The following MVK variants were observed in gnomAD, a reference collection of about 807,000 sequenced individuals.
MVK encodes the protein mevalonate kinase.
MVK carries 34 observed loss-of-function variants against 43.2 expected under a neutral mutation model. The observed-to-expected ratio is 0.79, with a 90% CI of 0.60 to 1.05. MVK has a LOEUF of 1.05. Among genes scored for constraint, MVK ranks in the 50% least tolerant of loss-of-function variants. The pLI is 0.00. For synonymous variants in MVK, 190 were observed against 219.8 expected (o/e 0.86, Z 1.20); for missense variants, 395 against 504.0 (o/e 0.78, Z 2.07).
rs559280705 is a variant in MVK at position 109,577,959 on chromosome 12, T to C, written c.226+1814T>C. Among the ~76,000 whole-genome samples the C allele has an allele frequency of 2.0e-5, 3 of 152,236 alleles. No individual in the cohort carries two copies. In the East Asian group the frequency reaches 5.8e-4, roughly 29 times the overall value. Reference sequence around the variant, plus strand: ...GCTGCAACTTGTGTATGTCAGTAGCTTGGGGTGGAAGCAGCCAGGTATGGG... The same window carrying C: ...GCTGCAACTTGTGTATGTCAGTAGCCTGGGGTGGAAGCAGCCAGGTATGGG... On this transcript the variant is annotated intron_variant, in intron 3 of 10. Coordinates refer to ENST00000228510, the MANE Select transcript of MVK (RefSeq NM_000431.4).
In MVK at chr12:109,595,501, T is replaced by C. The variant is rs1027642578; in HGVS notation, c.1039+320T>C. 6.6e-6 allele frequency among the ~76,000 whole-genome samples: 1 copy of C among 152,136 alleles called. No homozygotes were observed. Among genetic ancestry groups the C allele is most frequent in the African/African-American group, 2.4e-5 (1 of 41,430 alleles). ...GGAAGTAACCAGGGCATTGTCACTC[T>C]CCACGTCTGCCTAACCTTGCCCCAC... On this transcript the variant is annotated intron_variant, in intron 10 of 10. Transcript: ENST00000228510. The surrounding 1 kb of genome is among the most constrained non-coding windows in gnomAD (Gnocchi z 5.9).
chr12:109,583,687 A>G (rs1885320054), intron 5 of MVK, among the ~76,000 whole-genome samples: 1 of 152,214 alleles, frequency 6.6e-6, no homozygotes, highest in Non-Finnish European at 1.5e-5. Flanking sequence ...GACTTCCACA[A>G]TGGTTGAACT....
Position 109,581,541 on chromosome 12 carries a change from G to A in MVK, c.518G>A (p.Cys173Tyr), listed in dbSNP as rs1267793765. Residue 173 changes from cysteine to tyrosine, a missense_variant, in exon 5 of 11, where the codon TGC becomes TAC. By Grantham distance (194) the Cys-to-Tyr change is radical (BLOSUM62 -2). Transcript: ENST00000228510. ...CCAAACCCGCTGAAGGACGGGGATT[G>A]CGTCAACAGGTAACCATGGTCCTTA... is the stretch of plus-strand genomic sequence containing the variant. ...EIPNPLKDGDCVNRWTKEDLE... is the reference protein window; with the variant it reads ...EIPNPLKDGDYVNRWTKEDLE... 6.8e-6 allele frequency: 11 copies of A among 1,614,228 alleles called. 1 individual carries two copies. In the Middle Eastern group the frequency reaches 9.9e-4, roughly 145 times the overall value.
At chr12:109,577,329 G>C (rs1273843246) in intron 3 of MVK, among the ~76,000 whole-genome samples, 3 of 152,216 alleles carry the variant, frequency 2.0e-5, no homozygotes, top group Non-Finnish European at 2.9e-5. Context: ...CTTTGGAACA[G>C]TGTTTCTCAG....
At chr12:109,592,528 A>G (rs1459303849) in intron 9 of MVK, among the ~76,000 whole-genome samples, 1 of 152,230 alleles carries the variant, frequency 6.6e-6, no homozygotes, top group Non-Finnish European at 1.5e-5. Context: ...CCCCGTGGGC[A>G]TTCGAGTCTG....
rs1885209505 is a variant in MVK at position 109,581,409 on chromosome 12, T to C, written c.386T>C (p.Leu129Pro). Residue 129 changes from leucine to proline, a missense_variant, in exon 5 of 11, where the codon CTG (leucine) becomes CCG (proline). Transcript: ENST00000228510. ...GTGTGTTTCAGGGCCCTGCCGAGCC[T>C]GGATATCGTAGTGTGGTCGGAGCTG... Reference protein sequence around the residue: ...ICRKQRALPSLDIVVWSELPP... With the variant: ...ICRKQRALPSPDIVVWSELPP... The C allele has an allele frequency of 6.2e-7, 1 of 1,613,914 alleles. No individual in the cohort carries two copies. The highest frequency in any genetic ancestry group is 8.5e-7 in the Non-Finnish European group (1 of 1,180,016).
intron 5 of MVK, among the ~76,000 whole-genome samples, chr12:109,582,563 G>A (rs927990184): frequency 6.6e-6 from 1 of 151,830 alleles, no homozygotes; most frequent in East Asian, 1.9e-4. Context: ...TCCCCTGAAG[G>A]CCAGTCATTC....
intron 3 of MVK, among the ~76,000 whole-genome samples, chr12:109,576,522 A>G (rs1426597144): frequency 6.6e-6 from 1 of 152,184 alleles, no homozygotes; most frequent in African/African-American, 2.4e-5. Flanking sequence ...AGAGTAGACA[A>G]AGTGACACAT....
chr12:109,586,062 T>C lies in MVK; in HGVS notation c.568T>C (p.Phe190Leu), dbSNP rs1885418656. ...EDLELINKWA[F>L]QGERMIHGNP... ...TTTGGAGCTAATTAACAAGTGGGCC[T>C]TCCAAGGGGAGAGAATGATTCACGG... The change falls in exon 6 of 11, where the codon TTC (phenylalanine) becomes CTC (leucine). Residue 190 changes from phenylalanine (F) to leucine (L), a missense_variant. Phe to Leu is a conservative substitution (Grantham distance 22). Transcript: ENST00000228510. 6.2e-7 allele frequency: 1 copy of C among 1,614,080 alleles called. No individual in the cohort carries two copies. The highest frequency in any genetic ancestry group is 1.1e-5 in the South Asian group (1 of 91,092).
intron 3 of MVK, among the ~76,000 whole-genome samples, chr12:109,576,465 C>T (rs1884960707): frequency 6.6e-6 from 1 of 151,996 alleles, no homozygotes; most frequent in Non-Finnish European, 1.5e-5. Flanking sequence ...GCATAGACAT[C>T]AGATTGGCAG....
chr12:109,574,849 T>C lies in MVK; in HGVS notation c.27T>C (p.Ser9=), dbSNP rs1420880033. The C allele has an allele frequency of 1.2e-6, 2 of 1,609,434 alleles. No individual in the cohort carries two copies. Among genetic ancestry groups the C allele is most frequent in the Admixed American group, 3.4e-5 (2 of 59,370 alleles). MLSEVLLV[S]APGKVILHGE... Reference sequence around the variant, plus strand: ...TGTTGTCAGAAGTCCTACTGGTGTCTGCTCCGGGGAAAGTCATCCTTCATG... The same window carrying C: ...TGTTGTCAGAAGTCCTACTGGTGTCCGCTCCGGGGAAAGTCATCCTTCATG... Residue 9 remains serine, a synonymous_variant, in exon 2 of 11, where the codon TCT becomes TCC. Transcript: ENST00000228510.
chr12:109,586,748 C>T lies in MVK; in HGVS notation c.632-6C>T, dbSNP rs921168184. 2 of 1,614,004 alleles carry T rather than the reference C, an allele frequency of 1.2e-6. No homozygotes were observed. Among genetic ancestry groups the T allele is most frequent in the African/African-American group, 1.3e-5 (1 of 74,942 alleles). On this transcript the variant is annotated splice_polypyrimidine_tract_variant and splice_region_variant and intron_variant, in intron 6 of 10. Transcript: ENST00000228510. ...ACAGCTCTGACCCACTGGTTTTTCT[C>T]TTTAGGAGGAGCCCTCCGATACCAT...
intron 4 of MVK, 151 bp downstream of exon 4, chr12:109,580,097 C>A: frequency 8.4e-7 from 1 of 1,187,526 alleles, no homozygotes; most frequent in Non-Finnish European, 1.2e-6. Context: ...CCCTGCCAGG[C>A]ACGGTATATA....
intron 9 of MVK, among the ~76,000 whole-genome samples, chr12:109,592,318 A>T (rs1427361100): frequency 6.6e-6 from 1 of 152,228 alleles, no homozygotes; most frequent in Non-Finnish European, 1.5e-5. Flanking sequence ...CCCCCTGGAC[A>T]CAGTCCACCT....
chr12:109,573,563 A>G (rs560451620), upstream of MVK: 752 of 1,489,680 alleles, frequency 5.0e-4, 3 homozygotes, highest in African/African-American at 8.9e-3. Flanking sequence ...TGGCCGCGCC[A>G]CCGCTCAGGT....
At chr12:109,576,264 C>A in intron 3 of MVK, 119 bp downstream of exon 3, 3 of 1,264,840 alleles carry the variant, frequency 2.4e-6, no homozygotes, top group South Asian at 1.3e-5. Flanking sequence ...TGTTTTCTAC[C>A]CTGACCTCAT....
chr12:109,586,939 T>G, intron 7 of MVK, 140 bp downstream of exon 7: 2 of 955,154 alleles, frequency 2.1e-6, no homozygotes, highest in Non-Finnish European at 3.3e-6. Context: ...CACAGTGCAC[T>G]AGCTGCAAGG....
Position 109,595,496 on chromosome 12 carries a change from C to T in MVK, c.1039+315C>T, listed in dbSNP as rs1231859757. ...GCTTGGGAAGTAACCAGGGCATTGT[C>T]ACTCTCCACGTCTGCCTAACCTTGC... is the stretch of plus-strand genomic sequence containing the variant. On this transcript the variant is annotated intron_variant, in intron 10 of 10. Transcript: ENST00000228510. This position sits in a 1 kb window ranked among gnomAD's most constrained non-coding sequence, Gnocchi z 5.9. 1.3e-5 allele frequency among the ~76,000 whole-genome samples: 2 copies of T among 152,158 alleles called. No individual in the cohort carries two copies. Among genetic ancestry groups the T allele is most frequent in the Non-Finnish European group, 2.9e-5 (2 of 68,028 alleles).
chr12:109,596,129 CTGAG>C (rs1369300058), intron 10 of MVK, among the ~76,000 whole-genome samples: 1 of 152,212 alleles, frequency 6.6e-6, no homozygotes, highest in Non-Finnish European at 1.5e-5. Flanking sequence ...GAGACTGAGA[CTGAG>C]AGAGGGGAAG....
Sources: allele counts gnomAD v4.1 joint callset (sites outside exome capture counted in the v4.1 genomes callset), GRCh38; gene constraint gnomAD v4.1.1; non-coding constraint Gnocchi (gnomAD v3.1); transcripts MANE v1.5; gene names NCBI Gene and HGNC (gene_info 2026-07-23, HGNC 2026-07-21).